RASGRF2: variants seen among roughly 807,000 people sequenced by gnomAD.
RASGRF2 encodes the protein Ras protein specific guanine nucleotide releasing factor 2.
In RASGRF2, 76 loss-of-function variants were observed where a neutral mutation model predicts 151.0. The ratio of observed to expected loss-of-function variants is 0.50; its 90% CI spans 0.42 to 0.61. The LOEUF (loss-of-function observed/expected upper bound fraction) is 0.61. Ranked by LOEUF, RASGRF2 falls within the 20% of genes least tolerant of loss-of-function variation. The pLI is 0.00. For missense variants in RASGRF2, 1,148 were observed against 1,564.6 expected (o/e 0.73, Z 4.49); for synonymous variants, 504 against 566.5 (o/e 0.89, Z 1.57).
rs751004307 is a variant in RASGRF2, at chr5:81,112,773, A to G, written c.2002A>G (p.Thr668Ala). The G allele has an allele frequency of 1.2e-6, 2 of 1,614,178 alleles. No homozygotes were observed. Among genetic ancestry groups the G allele is most frequent in the Non-Finnish European group, 8.5e-7 (1 of 1,180,034 alleles). Residue 668 changes from threonine (T) to alanine (A), a missense_variant, in exon 14 of 27, where the codon ACC (threonine) becomes GCC (alanine). By Grantham distance (58) the Thr-to-Ala change is moderately conservative. Around this residue, in one of 5 missense-constraint regions of RASGRF2, gnomAD observed 646 missense variants for 807.4 expected, o/e 0.80. Transcript: ENST00000265080. ...SIDFLNTFLH[T>A]YRIFTTAAVV... The stretch of plus-strand genomic sequence containing the variant: ...TGATTTCCTCAACACCTTTCTGCAC[A>G]CCTATCGTATTTTCACTACTGCCGC...
At chr5:81,002,161 G>A (rs939755824) in intron 1 of RASGRF2, among the ~76,000 whole-genome samples, 5 of 152,154 alleles carry the variant, frequency 3.3e-5, no homozygotes, top group African/African-American at 7.2e-5. Flanking sequence ...TTGCTTTGCT[G>A]GAGGAAGTAA....
At chr5:81,120,305 G>C (rs973442744) in intron 15 of RASGRF2, among the ~76,000 whole-genome samples, 5 of 152,150 alleles carry the variant, frequency 3.3e-5, no homozygotes, top group African/African-American at 1.2e-4. Context: ...AGCTGGACAT[G>C]GTGGCTCATG....
At chr5:81,153,723 C>T (rs1754189263) in intron 17 of RASGRF2, among the ~76,000 whole-genome samples, 1 of 151,974 alleles carries the variant, frequency 6.6e-6, no homozygotes, top group African/African-American at 2.4e-5. Flanking sequence ...TATCAAATTC[C>T]ATTAAGCATT....
chr5:80,980,654 G>GAAAGAA (rs58446440), intron 1 of RASGRF2, among the ~76,000 whole-genome samples: 40,980 of 151,630 alleles, frequency 0.27, 5,896 homozygotes, highest in Middle Eastern at 0.42. Context: ...AAAATAAAGA[G>GAAAGAA]AAAGAAAAAG....
intron 9 of RASGRF2, among the ~76,000 whole-genome samples, chr5:81,089,999 G>T (rs1301839922): frequency 6.6e-6 from 1 of 152,196 alleles, no homozygotes; most frequent in Non-Finnish European, 1.5e-5. Context: ...TATGCATTGT[G>T]AACAGTGTTT....
intron 18 of RASGRF2, among the ~76,000 whole-genome samples, chr5:81,196,956 G>A (rs1755278858): frequency 6.6e-6 from 1 of 152,210 alleles, no homozygotes; most frequent in Admixed American, 6.5e-5. Context: ...TGGAACCAAA[G>A]GAAAGAACAC....
rs559602999 is a variant in RASGRF2, at chr5:81,191,220, G to A, written c.2794-10110G>A. Among the ~76,000 whole-genome samples the A allele has an allele frequency of 1.3e-4, 20 of 152,220 alleles. No homozygotes were observed. The South Asian group carries it at 3.3e-3, about 25-fold the overall frequency. ...TATCAACTGGTTCTCAAGGCCCCACGGCTCTGCCTTGCTTGTTGCCTTTCT... is the reference window on the plus strand; with the variant it reads ...TATCAACTGGTTCTCAAGGCCCCACAGCTCTGCCTTGCTTGTTGCCTTTCT... On this transcript the variant is annotated intron_variant, in intron 18 of 26. Transcript: ENST00000265080.
intron 2 of RASGRF2, among the ~76,000 whole-genome samples, chr5:81,058,100 A>T (rs1445383002): frequency 6.6e-6 from 1 of 152,090 alleles, no homozygotes; most frequent in Non-Finnish European, 1.5e-5. Flanking sequence ...ACACACTAAT[A>T]TTTTATTCCC....
chr5:81,208,773 A>G (rs765446227), intron 22 of RASGRF2, among the ~76,000 whole-genome samples: 5 of 151,240 alleles, frequency 3.3e-5, no homozygotes, highest in Non-Finnish European at 5.9e-5. Context: ...CTGGTCTCGA[A>G]CTCCTGACCT....
At chr5:81,116,786 A>G (rs559654239) in intron 15 of RASGRF2, among the ~76,000 whole-genome samples, 1 of 152,184 alleles carries the variant, frequency 6.6e-6, no homozygotes, top group Non-Finnish European at 1.5e-5. Flanking sequence ...GAATCATTCA[A>G]TATTTGTCCT....
intron 12 of RASGRF2, among the ~76,000 whole-genome samples, chr5:81,104,420 C>T (rs953868419): frequency 5.9e-5 from 9 of 151,900 alleles, no homozygotes; most frequent in African/African-American, 1.9e-4. Flanking sequence ...TTTCCTATTT[C>T]GTAGATGAAT....
At chr5:81,039,058 T>G (rs1051006849) in intron 1 of RASGRF2, among the ~76,000 whole-genome samples, 8 of 152,218 alleles carry the variant, frequency 5.3e-5, no homozygotes, top group Non-Finnish European at 1.2e-4. Flanking sequence ...CAAATACTTT[T>G]CCATCCCAAG....
At chr5:81,208,108 A>T (rs1467834473) in intron 21 of RASGRF2, among the ~76,000 whole-genome samples, 1 of 152,196 alleles carries the variant, frequency 6.6e-6, no homozygotes, top group Non-Finnish European at 1.5e-5. Context: ...GGATCCTAAT[A>T]GGGACACAGT....
At chr5:81,083,222 T>G (rs1336529974) in intron 7 of RASGRF2, among the ~76,000 whole-genome samples, 2 of 152,024 alleles carry the variant, frequency 1.3e-5, no homozygotes, top group Non-Finnish European at 2.9e-5. Flanking sequence ...ATGTTTGCCT[T>G]GCTCCCTTGT....
intron 7 of RASGRF2, among the ~76,000 whole-genome samples, chr5:81,083,448 G>A (rs1471846348): frequency 1.3e-5 from 2 of 152,086 alleles, no homozygotes; most frequent in Non-Finnish European, 2.9e-5. Flanking sequence ...GAAGAGAGAA[G>A]GTGATTGTCT....
intron 9 of RASGRF2, among the ~76,000 whole-genome samples, chr5:81,091,303 T>G (rs1194637211): frequency 6.6e-6 from 1 of 152,206 alleles, no homozygotes; most frequent in Non-Finnish European, 1.5e-5. Flanking sequence ...CAGTACTCTA[T>G]GTCATTCCTT....
intron 18 of RASGRF2, among the ~76,000 whole-genome samples, chr5:81,201,041 G>C (rs1319466361): frequency 6.6e-6 from 1 of 152,116 alleles, no homozygotes; most frequent in Non-Finnish European, 1.5e-5. Context: ...CGTAAGCTCT[G>C]TTAAGGACCC....
At chr5:81,218,425 A>G (rs1431859315) in intron 25 of RASGRF2, among the ~76,000 whole-genome samples, 1 of 152,172 alleles carries the variant, frequency 6.6e-6, no homozygotes, top group Non-Finnish European at 1.5e-5. Flanking sequence ...TGGCTTGCCA[A>G]TTATCCGAGC....
chr5:81,149,310 C>T (rs768782694), intron 17 of RASGRF2, among the ~76,000 whole-genome samples: 5 of 152,154 alleles, frequency 3.3e-5, no homozygotes, highest in Non-Finnish European at 5.9e-5. Context: ...AAACAGAAGA[C>T]AAAAGTGGCC....
Sources: gnomAD v4.1 joint callset for allele counts (sites outside exome capture counted in the v4.1 genomes callset) on GRCh38, gnomAD v4.1.1 for gene constraint, gnomAD v4.1.1 regional missense constraint, MANE v1.5 for transcripts, NCBI Gene and HGNC (gene_info 2026-07-23, HGNC 2026-07-21) for gene names.